XYLT1: variants seen among roughly 807,000 people sequenced by gnomAD.
The protein encoded by XYLT1 is xylosyltransferase 1, also known as beta-D-xylosyltransferase 1.
A neutral mutation model predicts 91.3 loss-of-function variants in XYLT1; 36 were observed. That is an observed-to-expected ratio of 0.39 (90% CI 0.30 to 0.52). The LOEUF (loss-of-function observed/expected upper bound fraction) is 0.52. Ranked by LOEUF, XYLT1 falls within the 20% of genes least tolerant of loss-of-function variation. The pLI is 0.68. For synonymous variants in XYLT1, 588 were observed against 532.0 expected, an observed-to-expected ratio of 1.11 and a Z score of -1.45; for missense variants, 1,242 against 1,284.5, an observed-to-expected ratio of 0.97 and a Z score of 0.51.
intron 5 of XYLT1, among the ~76,000 whole-genome samples, chr16:17,187,180 C>G (rs977500497): frequency 2.0e-5 from 3 of 151,704 alleles, no homozygotes; most frequent in Non-Finnish European, 4.4e-5. Flanking sequence ...TCACTTGAGG[C>G]CAGGAGTTCG....
At position 17,134,434 on chromosome 16, in the gene XYLT1, C is replaced by T. The variant is rs771974075; in HGVS notation, c.2027+39G>A. The stretch of plus-strand genomic sequence containing the variant: ...TCTGTACCCTGAGCCTCCCCTCCTG[C>T]TTCTCAGCTCTCCTCTCTGCATCCC... On this transcript the variant is annotated intron_variant, in intron 9 of 11. Transcript: ENST00000261381. 5.6e-6 allele frequency: 9 copies of T among 1,606,914 alleles called. No homozygotes were observed. The South Asian group carries it at 7.7e-5, about 14-fold the overall frequency.
chr16:17,234,974 T>C (rs1008608286), intron 3 of XYLT1, among the ~76,000 whole-genome samples: 1 of 152,212 alleles, frequency 6.6e-6, no homozygotes, highest in East Asian at 1.9e-4. Context: ...GGAGGATCAT[T>C]TGATCTACAT....
intron 9 of XYLT1, among the ~76,000 whole-genome samples, chr16:17,132,628 C>T (rs912513862): frequency 4.0e-5 from 6 of 149,832 alleles, no homozygotes; most frequent in Admixed American, 6.6e-5. Context: ...CAAGGCTGGG[C>T]GCAATGGCTC....
At chr16:17,293,740 C>T (rs985614198) in intron 2 of XYLT1, among the ~76,000 whole-genome samples, 3 of 151,834 alleles carry the variant, frequency 2.0e-5, no homozygotes, top group Non-Finnish European at 1.5e-5. Flanking sequence ...CCTCCCTCCT[C>T]GGATGCCCAA....
intron 2 of XYLT1, among the ~76,000 whole-genome samples, chr16:17,315,319 G>A (rs898087877): frequency 6.6e-6 from 1 of 152,182 alleles, no homozygotes; most frequent in Non-Finnish European, 1.5e-5. Context: ...GTCACCTTGT[G>A]CATTTGCACA....
At chr16:17,261,219 G>C (rs564785166) in intron 2 of XYLT1, among the ~76,000 whole-genome samples, 63 of 148,542 alleles carry the variant, frequency 4.2e-4, no homozygotes, top group East Asian at 7.8e-4. Context: ...TTCCAGCCTG[G>C]GGGGAGAGTG....
chr16:17,153,838 A>G (rs2141535201), intron 6 of XYLT1, among the ~76,000 whole-genome samples: 1 of 152,324 alleles, frequency 6.6e-6, no homozygotes, highest in South Asian at 2.1e-4. Flanking sequence ...ATGCAAAAAG[A>G]TAATTCTATT....
At chr16:17,112,175 T>C (rs972832225) in intron 11 of XYLT1, among the ~76,000 whole-genome samples, 1 of 152,214 alleles carries the variant, frequency 6.6e-6, no homozygotes, top group Non-Finnish European at 1.5e-5. Context: ...TATTACAATA[T>C]TAGCTTGCGA....
chr16:17,373,269 G>A lies in XYLT1; in HGVS notation c.364-15219C>T, dbSNP rs1045453730. On this transcript the variant is annotated intron_variant, in intron 1 of 11. Coordinates refer to ENST00000261381, the MANE Select transcript of XYLT1 (RefSeq NM_022166.4). Reference sequence around the variant, plus strand: ...AAGCTCTGGCATCCCAAGTTGTGGCGTCTGAGAAACCAGTAATCAGCGTCT... The same window carrying A: ...AAGCTCTGGCATCCCAAGTTGTGGCATCTGAGAAACCAGTAATCAGCGTCT... Among the ~76,000 whole-genome samples, 7 of 152,250 alleles carry A rather than the reference G, an allele frequency of 4.6e-5. No homozygotes were observed. In the East Asian group the frequency reaches 5.8e-4, roughly 13 times the overall value.
chr16:17,185,798 T>G (rs2032170861), intron 5 of XYLT1, among the ~76,000 whole-genome samples: 1 of 152,066 alleles, frequency 6.6e-6, no homozygotes, highest in Non-Finnish European at 1.5e-5. Flanking sequence ...GTCATGAGTT[T>G]GAGGTCAGCT....
At chr16:17,131,364 T>C (rs1038423550) in intron 9 of XYLT1, among the ~76,000 whole-genome samples, 1 of 152,152 alleles carries the variant, frequency 6.6e-6, no homozygotes, top group Admixed American at 6.5e-5. Flanking sequence ...AACCGAAGTA[T>C]TCGTTTGGCC....
intron 6 of XYLT1, among the ~76,000 whole-genome samples, chr16:17,147,868 G>A (rs1447835044): frequency 6.6e-6 from 1 of 152,212 alleles, no homozygotes; most frequent in Non-Finnish European, 1.5e-5. Context: ...TCACCAACAA[G>A]GGGCGCATGG....
Position 17,118,757 on chromosome 16 carries a change from T to C in XYLT1, c.2224-778A>G, listed in dbSNP as rs540062462. On this transcript the variant is annotated intron_variant, in intron 10 of 11. Coordinates refer to ENST00000261381, the MANE Select transcript of XYLT1 (RefSeq NM_022166.4). Reference sequence around the variant, plus strand: ...CTCTTACTGCTGCCCCCAGGCTTCTTAGTGCACTCAGAGTCTGAGCTCACC... The same window carrying C: ...CTCTTACTGCTGCCCCCAGGCTTCTCAGTGCACTCAGAGTCTGAGCTCACC... 8.5e-5 allele frequency among the ~76,000 whole-genome samples: 13 copies of C among 152,246 alleles called. No homozygotes were observed. The South Asian group carries it at 2.7e-3, about 32-fold the overall frequency.
intron 1 of XYLT1, chr16:17,403,412 AATTT>A (rs2035992579): frequency 6.6e-6 from 1 of 152,286 alleles, no homozygotes; most frequent in Non-Finnish European, 1.5e-5. Flanking sequence ...GAGACTGGGT[AATTT>A]ATCAAGAAAA....
chr16:17,350,619 C>T (rs2035207188), intron 2 of XYLT1, among the ~76,000 whole-genome samples: 1 of 152,206 alleles, frequency 6.6e-6, no homozygotes, highest in Admixed American at 6.5e-5. Context: ...AGGTTCTTCT[C>T]CCATAAGGAG....
intron 3 of XYLT1, among the ~76,000 whole-genome samples, chr16:17,244,885 C>A (rs1217364537): frequency 6.6e-6 from 1 of 152,106 alleles, no homozygotes; most frequent in Admixed American, 6.5e-5. Flanking sequence ...AGACCTCAGA[C>A]CTGGACATGT....
intron 9 of XYLT1, among the ~76,000 whole-genome samples, chr16:17,133,032 A>T (rs1482129383): frequency 6.6e-6 from 1 of 152,216 alleles, no homozygotes; most frequent in African/African-American, 2.4e-5. Context: ...GCTCAGAGAG[A>T]TGAATGACTT....
chr16:17,214,317 C>T (rs72777761), intron 3 of XYLT1, among the ~76,000 whole-genome samples: 318 of 152,280 alleles, frequency 2.1e-3, no homozygotes, highest in Non-Finnish European at 3.3e-3. Context: ...TCTGGGAGGT[C>T]GGGCAAGCTA....
intron 2 of XYLT1, among the ~76,000 whole-genome samples, chr16:17,276,739 G>C (rs555052966): frequency 1.2e-4 from 18 of 152,258 alleles, no homozygotes; most frequent in African/African-American, 4.3e-4. Context: ...CGATGAAGTT[G>C]TTATAAATGT....
Sources: allele counts gnomAD v4.1 joint callset (sites outside exome capture counted in the v4.1 genomes callset), GRCh38; gene constraint gnomAD v4.1.1; transcripts MANE v1.5; gene names NCBI Gene and HGNC (gene_info 2026-07-23, HGNC 2026-07-21).